The following ABLIM3 variants were observed in gnomAD, a reference collection of about 807,000 sequenced individuals.
ABLIM3 encodes actin binding LIM protein family member 3, also known as actin-binding LIM protein 3.
Under a neutral mutation model 109.5 loss-of-function variants are expected in ABLIM3, and 61 were observed. The ratio of observed to expected loss-of-function variants is 0.56; its 90% CI spans 0.45 to 0.69. The LOEUF (loss-of-function observed/expected upper bound fraction) is 0.69, where lower values mean the gene tolerates loss of function less well. ABLIM3 is among the 30% of genes least tolerant of loss of function. The probability of loss-of-function intolerance (pLI) is 0.00; values close to 1 mark genes in which losing one functional copy is unlikely to be tolerated. For synonymous variants in ABLIM3, 300 were observed against 324.8 expected, an observed-to-expected ratio of 0.92 and a Z score of 0.82; for missense variants, 796 against 889.5, an observed-to-expected ratio of 0.89 and a Z score of 1.34.
At chr5:149,211,429 C>T (rs1337924078) in intron 7 of ABLIM3, among the ~76,000 whole-genome samples, 1 of 152,130 alleles carries the variant, frequency 6.6e-6, no homozygotes, top group East Asian at 1.9e-4. Flanking sequence ...AAGCTATCTT[C>T]CTATACTTTG....
At chr5:149,157,288 G>A (rs2127441849) in intron 2 of ABLIM3, among the ~76,000 whole-genome samples, 1 of 152,294 alleles carries the variant, frequency 6.6e-6, no homozygotes, top group Middle Eastern at 3.4e-3. Flanking sequence ...ATTTGGGAAG[G>A]AACATACAGG....
intron 2 of ABLIM3, among the ~76,000 whole-genome samples, chr5:149,174,272 T>TA (rs879724906): frequency 2.6e-3 from 377 of 142,350 alleles, no homozygotes; most frequent in Non-Finnish European, 3.8e-3. Flanking sequence ...TTCATAGCTT[T>TA]AAAAAAAAAA....
intron 16 of ABLIM3, 43 bp from the exon 17 acceptor site, chr5:149,246,439 T>TG: frequency 6.3e-7 from 1 of 1,589,824 alleles, no homozygotes; most frequent in Non-Finnish European, 8.6e-7. Flanking sequence ...CCAGGCTGAG[T>TG]GGGGTGCACA....
intron 15 of ABLIM3, chr5:149,243,408 C>T (rs1753047372): frequency 6.6e-6 from 1 of 152,176 alleles, no homozygotes; most frequent in Non-Finnish European, 1.5e-5. Context: ...CAGCTGCCAC[C>T]CTGTGCACCC....
intron 3 of ABLIM3, among the ~76,000 whole-genome samples, chr5:149,196,801 C>A (rs879479889): frequency 6.6e-6 from 1 of 152,336 alleles, no homozygotes; most frequent in African/African-American, 2.4e-5. Flanking sequence ...CTCTGCCCAT[C>A]ATGTGTTGAT....
chr5:149,231,097 T>C (rs1465854056), intron 9 of ABLIM3, among the ~76,000 whole-genome samples: 1 of 152,180 alleles, frequency 6.6e-6, no homozygotes, highest in Admixed American at 6.5e-5. Flanking sequence ...ACAAAGCATC[T>C]TCACAGGCAC....
intron 2 of ABLIM3, among the ~76,000 whole-genome samples, chr5:149,175,947 G>A (rs111342008): frequency 1.4e-4 from 21 of 152,308 alleles, no homozygotes; most frequent in African/African-American, 4.8e-4. Flanking sequence ...ACATGCTGAT[G>A]AGCCTGGCAG....
At chr5:149,239,638 G>A (rs971204832) in intron 12 of ABLIM3, 121 bp from the exon 13 acceptor site, 85 of 1,385,210 alleles carry the variant, frequency 6.1e-5, no homozygotes, top group Admixed American at 1.7e-4. Context: ...GGGGGTCTCT[G>A]TATTCACACC....
intron 5 of ABLIM3, 137 bp downstream of exon 5, chr5:149,200,565 G>T: frequency 1.3e-6 from 1 of 769,610 alleles, no homozygotes; most frequent in Non-Finnish European, 2.2e-6. Flanking sequence ...CCTGCATCAT[G>T]ACCCCATTGG....
intron 16 of ABLIM3, among the ~76,000 whole-genome samples, chr5:149,245,996 CA>C (rs1212127787): frequency 2.0e-5 from 3 of 152,002 alleles, no homozygotes; most frequent in Non-Finnish European, 4.4e-5. Context: ...TTCTTCTCTA[CA>C]AAAAAATTTT....
At chr5:149,217,081 C>G in intron 8 of ABLIM3, 35 bp downstream of exon 8, 1 of 1,576,654 alleles carries the variant, frequency 6.3e-7, no homozygotes, top group Non-Finnish European at 8.7e-7. Flanking sequence ...GGCCTTCCGA[C>G]CTGCTCATGA....
At chr5:149,225,385 G>C (rs1233411626) in intron 8 of ABLIM3, among the ~76,000 whole-genome samples, 2 of 152,070 alleles carry the variant, frequency 1.3e-5, no homozygotes, top group Admixed American at 1.3e-4. Context: ...ATTTTGTATA[G>C]CTCTTACAGA....
intron 23 of ABLIM3, among the ~76,000 whole-genome samples, chr5:149,257,866 A>G (rs900486562): frequency 2.0e-5 from 3 of 152,224 alleles, no homozygotes; most frequent in Non-Finnish European, 4.4e-5. Context: ...AAACATCAGT[A>G]AGAGGAAATA....
chr5:149,227,646 G>T (rs946298236), intron 8 of ABLIM3, among the ~76,000 whole-genome samples: 2 of 152,142 alleles, frequency 1.3e-5, no homozygotes, highest in Admixed American at 1.3e-4. Context: ...CTGCAGGGGG[G>T]CCCAGGAATC....
At chr5:149,247,684 G>A in intron 17 of ABLIM3, 98 bp from the exon 18 acceptor site, 1 of 1,485,154 alleles carries the variant, frequency 6.7e-7, no homozygotes, top group East Asian at 2.3e-5. Flanking sequence ...AGAGCAGGCT[G>A]CTATGGAGGA....
intron 2 of ABLIM3, among the ~76,000 whole-genome samples, chr5:149,160,032 C>G (rs1286607295): frequency 2.0e-5 from 3 of 152,156 alleles, no homozygotes; most frequent in African/African-American, 7.2e-5. Context: ...CTACTTGTCA[C>G]ACTTTGTAAA....
intron 2 of ABLIM3, among the ~76,000 whole-genome samples, chr5:149,159,880 C>G (rs1285199581): frequency 1.3e-5 from 2 of 152,184 alleles, no homozygotes; most frequent in Non-Finnish European, 2.9e-5. Context: ...CCTCTGGACC[C>G]TTCCTTGCAA....
At chr5:149,250,774 T>A (rs182590132) in intron 20 of ABLIM3, among the ~76,000 whole-genome samples, 67 of 152,288 alleles carry the variant, frequency 4.4e-4, no homozygotes, top group Admixed American at 1.4e-3. Context: ...AAGCACTAAT[T>A]TGTTTTGCCT....
intron 6 of ABLIM3, among the ~76,000 whole-genome samples, chr5:149,208,850 A>G (rs1759273102): frequency 6.6e-6 from 1 of 152,220 alleles, no homozygotes; most frequent in South Asian, 2.1e-4. Context: ...CAGAGAAAAA[A>G]AGGATGACTG....
Sources: gnomAD v4.1 joint callset for allele counts (sites outside exome capture counted in the v4.1 genomes callset) on GRCh38, gnomAD v4.1.1 for gene constraint, MANE v1.5 for transcripts, NCBI Gene and HGNC (gene_info 2026-07-23, HGNC 2026-07-21) for gene names.